Variants in PAK3 observed in about 807,000 individuals in gnomAD.
PAK3 encodes the protein serine/threonine-protein kinase PAK 3.
Under a neutral mutation model 41.0 loss-of-function variants are expected in PAK3, and 4 were observed. The ratio of observed to expected loss-of-function variants is 0.10; its 90% CI spans 0.05 to 0.22. The LOEUF is 0.22. Ranked by LOEUF, PAK3 falls within the 10% of genes least tolerant of loss-of-function variation. The probability of loss-of-function intolerance (pLI) is 1.00; values close to 1 mark genes in which losing one functional copy is unlikely to be tolerated. For synonymous variants in PAK3, 146 were observed against 139.6 expected (o/e 1.05, Z -0.32); for missense variants, 205 against 409.9 (o/e 0.50, Z 4.32).
At chrX:111,019,073 A>G (rs1278355180) in intron 1 of PAK3, among the ~76,000 whole-genome samples, 1 of 111,323 alleles carries the variant, frequency 9.0e-6, no homozygotes, top group Non-Finnish European at 1.9e-5. Context: ...CCTTTACCTT[A>G]CACCATATAC....
In PAK3 at chrX:111,097,598, GGCT is replaced by G. The variant is rs2093032155; in HGVS notation, c.-260_-258del. ...AGACTCAAATCCAGGCCAAGTGTAT[GGCT>G]GTCTGAGGTATTGGAACAGAAGGAG... On this transcript the variant is annotated 5_prime_UTR_variant, in exon 3 of 18. Transcript: ENST00000372007. 9.0e-6 allele frequency: 1 copy of G among 110,843 alleles called. No individual in the cohort carries two copies. The highest frequency in any genetic ancestry group is 3.3e-5 in the African/African-American group (1 of 30,388). The allele number at this position is 110,843 out of a possible 1,213,427, so 9.1% of individuals were successfully genotyped here.
chrX:111,162,297 T>G (rs1443765867), intron 8 of PAK3, among the ~76,000 whole-genome samples: 1 of 111,840 alleles, frequency 8.9e-6, no homozygotes, highest in Non-Finnish European at 1.9e-5. Context: ...ATATTGAAAA[T>G]CTCCATTTAA....
intron 1 of PAK3, among the ~76,000 whole-genome samples, chrX:111,048,629 T>G (rs1471191999): frequency 1.8e-5 from 2 of 111,677 alleles, no homozygotes; most frequent in Non-Finnish European, 3.8e-5. Flanking sequence ...TGATCCTATT[T>G]TCTCCCACCC....
At chrX:110,980,528 G>T (rs886533563) in intron 1 of PAK3, among the ~76,000 whole-genome samples, 1 of 110,807 alleles carries the variant, frequency 9.0e-6, no homozygotes, top group Non-Finnish European at 1.9e-5. Flanking sequence ...CTATTGTAGG[G>T]GCCAAGGGAT....
chrX:110,972,960 A>G (rs1463820890), intron 1 of PAK3, among the ~76,000 whole-genome samples: 1 of 111,910 alleles, frequency 8.9e-6, no homozygotes, highest in East Asian at 2.8e-4. Context: ...AAGAAAGGGT[A>G]TCAGTGATTG....
At chrX:110,955,004 T>A (rs368420642) in intron 1 of PAK3, among the ~76,000 whole-genome samples, 2 of 111,282 alleles carry the variant, frequency 1.8e-5, no homozygotes, top group African/African-American at 6.5e-5. Context: ...AACAGTGTCA[T>A]TGGCTGGGAT....
At chrX:111,200,681 T>C (rs1432324939) in intron 16 of PAK3, among the ~76,000 whole-genome samples, 1 of 111,987 alleles carries the variant, frequency 8.9e-6, no homozygotes, top group African/African-American at 3.2e-5. Context: ...TCGGACCTCT[T>C]GTTTCTATGG....
Position 110,964,085 on chromosome X carries a change from T to A in PAK3, c.-28+19457T>A, listed in dbSNP as rs189698423. Among the ~76,000 whole-genome samples the A allele has an allele frequency of 8.0e-4, 89 of 111,827 alleles. No individual in the cohort carries two copies. The Middle Eastern group carries it at 0.014, about 18-fold the overall frequency. On this transcript the variant is annotated intron_variant, in intron 1 of 14. Coordinates refer to the PAK3 transcript ENST00000425146. The stretch of plus-strand genomic sequence containing the variant: ...ATGCCAAACAGCATGCTAGTCACTG[T>A]CACATACATTTTTATTATTCATCCC...
At chrX:111,003,100 T>C (rs1043580138) in intron 1 of PAK3, among the ~76,000 whole-genome samples, 1 of 111,316 alleles carries the variant, frequency 9.0e-6, no homozygotes, top group African/African-American at 3.3e-5. Context: ...GTGCTGCAGA[T>C]ATCAATATGC....
At chrX:111,208,391 C>T (rs2094779022) in intron 16 of PAK3, among the ~76,000 whole-genome samples, 1 of 112,155 alleles carries the variant, frequency 8.9e-6, no homozygotes, top group Non-Finnish European at 1.9e-5. Flanking sequence ...ATGTCCTAGG[C>T]TTTCACATTC....
intron 5 of PAK3, among the ~76,000 whole-genome samples, chrX:111,137,463 T>A (rs2093806080): frequency 9.0e-6 from 1 of 111,249 alleles, no homozygotes; most frequent in Non-Finnish European, 1.9e-5. Flanking sequence ...ATCTCTCTTT[T>A]TTTTTAAGTT....
At chrX:111,174,004 C>T (rs2094377625) in intron 11 of PAK3, among the ~76,000 whole-genome samples, 1 of 111,315 alleles carries the variant, frequency 9.0e-6, no homozygotes, top group African/African-American at 3.3e-5. Flanking sequence ...CAGACTTTTC[C>T]TGGCTGAGGC....
rs766061794 is a variant in PAK3, at chrX:110,969,730, G to C, written c.-28+25102G>C. Among the ~76,000 whole-genome samples the C allele has an allele frequency of 3.6e-5, 4 of 111,667 alleles. No individual in the cohort carries two copies. In the South Asian group the frequency reaches 1.5e-3, roughly 42 times the overall value. ...CCTTCCACCAATACAATGCTCTCTT[G>C]ATTACTGTAGTTTTGTGGTAAACCT... On this transcript the variant is annotated intron_variant, in intron 1 of 14. Transcript: ENST00000425146.
chrX:111,139,985 T>C (rs2093848699), intron 5 of PAK3, among the ~76,000 whole-genome samples: 1 of 111,747 alleles, frequency 8.9e-6, no homozygotes, highest in Admixed American at 9.5e-5. Context: ...TACCAAGAGC[T>C]AATTACTGTG....
At chrX:110,955,289 A>G (rs1029792328) in intron 1 of PAK3, among the ~76,000 whole-genome samples, 2 of 111,788 alleles carry the variant, frequency 1.8e-5, no homozygotes, top group African/African-American at 6.5e-5. Context: ...ATTTAACATC[A>G]CTGCACAAAA....
At chrX:110,956,982 A>T (rs1335143630) in intron 1 of PAK3, among the ~76,000 whole-genome samples, 1 of 111,489 alleles carries the variant, frequency 9.0e-6, no homozygotes, top group Non-Finnish European at 1.9e-5. Flanking sequence ...CTGTCTGTGT[A>T]CTAATCTCTG....
rs374717025 is a variant in PAK3 at position 111,123,058 on chromosome X, T to A, written c.-27-19T>A. On this transcript the variant is annotated intron_variant, in intron 4 of 17. Transcript: ENST00000372007. Reference sequence around the variant, plus strand: ...ACCTCTTCTCCCTCAACTCCTTTTTTTTCCCTCCTTTTCTTTAGGAGCTGT... The same window carrying A: ...ACCTCTTCTCCCTCAACTCCTTTTTATTCCCTCCTTTTCTTTAGGAGCTGT... 1 of 1,039,502 alleles carries A rather than the reference T, an allele frequency of 9.6e-7. No homozygotes were observed. 85.7% of individuals were successfully genotyped at this position (1,039,502 alleles called of 1,213,427 possible). A position where few individuals can be genotyped will look rare whatever the true frequency, so the allele number is the denominator to read the frequency against.
intron 5 of PAK3, among the ~76,000 whole-genome samples, chrX:111,134,299 C>A (rs1039351260): frequency 8.9e-6 from 1 of 111,797 alleles, no homozygotes; most frequent in Non-Finnish European, 1.9e-5. Flanking sequence ...AGCAACAATG[C>A]CACCAAAAAC....
chrX:111,219,259 C>T (rs181882260), intron 17 of PAK3, among the ~76,000 whole-genome samples: 6 of 105,836 alleles, frequency 5.7e-5, no homozygotes, highest in Non-Finnish European at 9.7e-5. Context: ...ATGTAAGAGA[C>T]GTTGAGAAGA....
Sources: allele counts gnomAD v4.1 joint callset (sites outside exome capture counted in the v4.1 genomes callset), GRCh38; gene constraint gnomAD v4.1.1; transcripts MANE v1.5; gene names NCBI Gene and HGNC (gene_info 2026-07-23, HGNC 2026-07-21).